The following NDUFAF2 variants were observed in gnomAD, a reference collection of about 807,000 sequenced individuals.
The protein encoded by NDUFAF2 is NADH dehydrogenase [ubiquinone] 1 alpha subcomplex assembly factor 2.
NDUFAF2 carries 13 observed loss-of-function variants against 22.8 expected under a neutral mutation model. The observed-to-expected ratio is 0.57, with a 90% CI of 0.37 to 0.91. NDUFAF2 has a LOEUF of 0.91. Ranked by LOEUF, NDUFAF2 falls within the 40% of genes least tolerant of loss-of-function variation. NDUFAF2 has a pLI of 0.01. For missense variants in NDUFAF2, 162 were observed against 195.2 expected (o/e 0.83, Z 1.01); for synonymous variants, 53 against 64.2 (o/e 0.83, Z 0.84).
intron 2 of NDUFAF2, among the ~76,000 whole-genome samples, chr5:61,096,780 A>T (rs1752647156): frequency 6.6e-6 from 1 of 151,958 alleles, no homozygotes; most frequent in African/African-American, 2.4e-5. Context: ...CGTGGCCAAC[A>T]TGGTGAAACC....
At chr5:61,039,281 A>G (rs1442026808) in intron 1 of NDUFAF2, among the ~76,000 whole-genome samples, 5 of 152,120 alleles carry the variant, frequency 3.3e-5, no homozygotes, top group African/African-American at 1.2e-4. Context: ...GGAAGAGACT[A>G]TATTTGTAAC....
chr5:61,098,768 T>C (rs920854235), intron 2 of NDUFAF2, among the ~76,000 whole-genome samples: 2 of 152,188 alleles, frequency 1.3e-5, no homozygotes, highest in African/African-American at 4.8e-5. Flanking sequence ...ATTCTCTTCA[T>C]GACACATATC....
At chr5:61,016,188 A>AT (rs913364828) in intron 1 of NDUFAF2, among the ~76,000 whole-genome samples, 28 of 102,244 alleles carry the variant, frequency 2.7e-4, no homozygotes, top group Admixed American at 1.5e-3. Flanking sequence ...CTATCTAAAA[A>AT]AAAAATATAT....
At chr5:61,069,066 T>C (rs542819624) in intron 1 of NDUFAF2, among the ~76,000 whole-genome samples, 1 of 152,076 alleles carries the variant, frequency 6.6e-6, no homozygotes, top group South Asian at 2.1e-4. Flanking sequence ...AAATTACTCA[T>C]GCAGAGCTAA....
intron 2 of NDUFAF2, among the ~76,000 whole-genome samples, chr5:61,073,501 T>C (rs981107361): frequency 3.9e-5 from 6 of 152,242 alleles, no homozygotes; most frequent in African/African-American, 1.4e-4. Context: ...AAGCAGGCAC[T>C]CACTTTCATG....
intron 1 of NDUFAF2, among the ~76,000 whole-genome samples, chr5:60,967,392 G>A (rs1750771801): frequency 6.6e-6 from 1 of 151,998 alleles, no homozygotes; most frequent in Admixed American, 6.6e-5. Context: ...TACAAGTGGT[G>A]AGAGGTGAGC....
At chr5:61,110,781 T>C (rs1752830869) in intron 3 of NDUFAF2, among the ~76,000 whole-genome samples, 1 of 152,062 alleles carries the variant, frequency 6.6e-6, no homozygotes, top group Admixed American at 6.6e-5. Context: ...GTTGTTGGTC[T>C]TTTGTATTCT....
chr5:61,112,095 T>C (rs147857940), intron 3 of NDUFAF2, among the ~76,000 whole-genome samples: 307 of 152,254 alleles, frequency 2.0e-3, no homozygotes, highest in African/African-American at 7.1e-3. Flanking sequence ...TCTTTAGCTC[T>C]AATAATATTT....
At chr5:61,105,259 C>T (rs1579832026) in intron 3 of NDUFAF2, among the ~76,000 whole-genome samples, 1 of 151,240 alleles carries the variant, frequency 6.6e-6, no homozygotes, top group Middle Eastern at 3.4e-3. Flanking sequence ...TTTTCAGGCC[C>T]ATTTCAGTGT....
intron 1 of NDUFAF2, among the ~76,000 whole-genome samples, chr5:60,993,574 C>A (rs112526782): frequency 1.8e-4 from 27 of 152,098 alleles, no homozygotes; most frequent in Non-Finnish European, 3.1e-4. Flanking sequence ...CTCTCTGCAA[C>A]CTGGTCATCA....
intron 3 of NDUFAF2, among the ~76,000 whole-genome samples, chr5:61,143,637 T>C (rs941957407): frequency 1.3e-5 from 2 of 152,134 alleles, no homozygotes; most frequent in Admixed American, 6.6e-5. Flanking sequence ...TTATATGTAA[T>C]ATAACTTGAA....
At position 61,131,778 on chromosome 5, in the gene NDUFAF2, C is replaced by T. The variant is rs1051951846; in HGVS notation, c.259-20926C>T. Reference sequence around the variant, plus strand: ...TAATTATAAACATGTAAATGGGATACACTATATTTATATTATAAACACATG... The same window carrying T: ...TAATTATAAACATGTAAATGGGATATACTATATTTATATTATAAACACATG... On this transcript the variant is annotated intron_variant, in intron 3 of 3. Transcript: ENST00000296597. Among the ~76,000 whole-genome samples the T allele has an allele frequency of 3.9e-5, 6 of 152,096 alleles. No homozygotes were observed. The South Asian group carries it at 1.2e-3, about 32-fold the overall frequency.
At chr5:60,982,174 A>C (rs1432639740) in intron 1 of NDUFAF2, among the ~76,000 whole-genome samples, 1 of 152,154 alleles carries the variant, frequency 6.6e-6, no homozygotes, top group African/African-American at 2.4e-5. Flanking sequence ...GGTACTCACG[A>C]TCACTGATTA....
In NDUFAF2 at chr5:61,027,521, G is replaced by A. The variant is rs182037623; in HGVS notation, c.128-45604G>A. Among the ~76,000 whole-genome samples, 241 of 151,978 alleles carry A rather than the reference G, an allele frequency of 1.6e-3. 2 individuals carry two copies. Among genetic ancestry groups the A allele is most frequent in the African/African-American group, 5.6e-3 (233 of 41,516 alleles). Reference sequence around the variant, plus strand: ...TTACAAACCAAAGCAAAACTGTTTTGTGAGAGAAGTACCACTGTGTCCAAC... The same window carrying A: ...TTACAAACCAAAGCAAAACTGTTTTATGAGAGAAGTACCACTGTGTCCAAC... On this transcript the variant is annotated intron_variant, in intron 1 of 3. Transcript: ENST00000296597.
intron 3 of NDUFAF2, among the ~76,000 whole-genome samples, chr5:61,107,887 A>G (rs1174973771): frequency 1.4e-5 from 2 of 140,798 alleles, no homozygotes; most frequent in Admixed American, 7.6e-5. Flanking sequence ...TCATTGTTCA[A>G]TTCCCACCTA....
rs373256703 is a variant in NDUFAF2 at position 61,141,389 on chromosome 5, G to A, written c.259-11315G>A. 2.6e-5 allele frequency among the ~76,000 whole-genome samples: 4 copies of A among 151,856 alleles called. No individual in the cohort carries two copies. The East Asian group carries it at 7.7e-4, about 29-fold the overall frequency. On this transcript the variant is annotated intron_variant, in intron 3 of 3. Transcript: ENST00000296597. ...CTTCCTTAGATTGTGAGTTCTTTGA[G>A]CACAGGGTAAAAGTTGTGTCTTTTA...
At chr5:60,964,475 G>A (rs1204743024) in intron 1 of NDUFAF2, among the ~76,000 whole-genome samples, 3 of 146,276 alleles carry the variant, frequency 2.1e-5, no homozygotes, top group African/African-American at 5.1e-5. Flanking sequence ...TTTGGAGACC[G>A]AGTCTCACTC....
chr5:61,051,383 C>T (rs1295748288), intron 1 of NDUFAF2, among the ~76,000 whole-genome samples: 1 of 152,088 alleles, frequency 6.6e-6, no homozygotes, highest in Admixed American at 6.5e-5. Flanking sequence ...CTGAGACCAC[C>T]AGTGTGTCCC....
rs560204674 is a variant in NDUFAF2 at position 61,001,905 on chromosome 5, G to A, written c.127+56523G>A. 1.6e-4 allele frequency among the ~76,000 whole-genome samples: 24 copies of A among 152,124 alleles called. No individual in the cohort carries two copies. In the East Asian group the frequency reaches 2.1e-3, roughly 13 times the overall value. On this transcript the variant is annotated intron_variant, in intron 1 of 3. Transcript: ENST00000296597. ...AAATGATAAATCCTTCTTATTTGAC[G>A]TGCCCTCTAAAACTAGTATCGTCAT...
Sources: allele counts gnomAD v4.1 joint callset (sites outside exome capture counted in the v4.1 genomes callset), GRCh38; gene constraint gnomAD v4.1.1; transcripts MANE v1.5; gene names NCBI Gene and HGNC (gene_info 2026-07-23, HGNC 2026-07-21).